Variants in SLTM observed in about 807,000 individuals in gnomAD.
The protein encoded by SLTM is SAFB like transcription modulator.
Under a neutral mutation model 134.6 loss-of-function variants are expected in SLTM, and 43 were observed. The observed-to-expected ratio is 0.32, with a 90% confidence interval of 0.25 to 0.41. The LOEUF is 0.41. Ranked by LOEUF, SLTM falls within the 10% of genes least tolerant of loss-of-function variation. The probability of loss-of-function intolerance (pLI) is 1.00; values close to 1 mark genes in which losing one functional copy is unlikely to be tolerated. For missense variants in SLTM, 1,055 were observed against 1,288.8 expected (o/e 0.82, Z 2.78); for synonymous variants, 424 against 432.3 (o/e 0.98, Z 0.24).
chr15:58,902,124 A>G (rs891988934), intron 5 of SLTM, among the ~76,000 whole-genome samples: 1 of 152,236 alleles, frequency 6.6e-6, no homozygotes, highest in Non-Finnish European at 1.5e-5. Flanking sequence ...CCAAGCAAAT[A>G]ATGCAAACAT....
intron 5 of SLTM, among the ~76,000 whole-genome samples, chr15:58,912,355 T>A (rs1484157685): frequency 6.6e-6 from 1 of 152,156 alleles, no homozygotes; most frequent in African/African-American, 2.4e-5. Context: ...CGCCTCGGCC[T>A]CCCAAAGTGC....
intron 2 of SLTM, among the ~76,000 whole-genome samples, chr15:58,925,894 C>A (rs1189589873): frequency 1.3e-5 from 2 of 152,108 alleles, no homozygotes; most frequent in Non-Finnish European, 2.9e-5. Flanking sequence ...ACTCTCAGCA[C>A]CGTTGTGAGA....
intron 19 of SLTM, among the ~76,000 whole-genome samples, chr15:58,885,700 C>T (rs2034122535): frequency 6.6e-6 from 1 of 152,098 alleles, no homozygotes; most frequent in African/African-American, 2.4e-5. Context: ...AGGAAAATCG[C>T]TTGAACCTGG....
At chr15:58,930,475 A>G (rs1330341037) in intron 2 of SLTM, among the ~76,000 whole-genome samples, 3 of 151,922 alleles carry the variant, frequency 2.0e-5, no homozygotes, top group Non-Finnish European at 4.4e-5. Flanking sequence ...ACCTCTTAAC[A>G]TCAGAGTTAT....
chr15:58,894,278 G>T, intron 10 of SLTM, 85 bp from the exon 11 acceptor site: 1 of 1,387,540 alleles, frequency 7.2e-7, no homozygotes. Flanking sequence ...CAGAAAATTT[G>T]GAAACGATAG....
At chr15:58,898,904 C>A in intron 7 of SLTM, 52 bp from the exon 8 acceptor site, 1 of 1,345,554 alleles carries the variant, frequency 7.4e-7, no homozygotes, top group Non-Finnish European at 1.1e-6. Flanking sequence ...AAAAACAAAC[C>A]CAAAACAGAA....
intron 19 of SLTM, 115 bp downstream of exon 19, chr15:58,886,860 C>T: frequency 7.9e-7 from 1 of 1,266,282 alleles, no homozygotes; most frequent in Non-Finnish European, 1.1e-6. Context: ...GCCTCTGAAT[C>T]ATTCCAATCT....
At chr15:58,904,201 G>C (rs1323127307) in intron 5 of SLTM, among the ~76,000 whole-genome samples, 1 of 152,048 alleles carries the variant, frequency 6.6e-6, no homozygotes, top group African/African-American at 2.4e-5. Flanking sequence ...GGCAAAGACA[G>C]GGTTTCACCA....
At chr15:58,886,369 T>G (rs1295663372) in intron 19 of SLTM, among the ~76,000 whole-genome samples, 1 of 151,576 alleles carries the variant, frequency 6.6e-6, no homozygotes, top group Non-Finnish European at 1.5e-5. Flanking sequence ...TGGGCTCAAG[T>G]GATTCTCCTG....
intron 8 of SLTM, chr15:58,897,993 CT>C (rs1473750498): frequency 6.6e-6 from 1 of 152,074 alleles, no homozygotes; most frequent in East Asian, 1.9e-4. Flanking sequence ...ATTCACTTGA[CT>C]TTATTTGGAA....
intron 2 of SLTM, among the ~76,000 whole-genome samples, chr15:58,917,361 A>T (rs886706251): frequency 1.3e-5 from 2 of 152,176 alleles, no homozygotes; most frequent in Non-Finnish European, 2.9e-5. Flanking sequence ...CCTGATAGCT[A>T]AGTACAAGAT....
At position 58,882,489 on chromosome 15, in the gene SLTM, G is replaced by A. The variant is rs746232104; in HGVS notation, c.2996+1137C>T. ...GCAGTCACAAAGGCAGAAAGAAAAT[G>A]ATGGTGCCCTAGAAAACAGACTCCC... On this transcript the variant is annotated intron_variant, in intron 20 of 20. Transcript: ENST00000380516. 1.4e-4 allele frequency among the ~76,000 whole-genome samples: 21 copies of A among 152,310 alleles called. No homozygotes were observed. In the Middle Eastern group the frequency reaches 0.01, roughly 74 times the overall value.
chr15:58,882,343 A>G (rs2033804453), intron 20 of SLTM, among the ~76,000 whole-genome samples: 1 of 152,104 alleles, frequency 6.6e-6, no homozygotes, highest in South Asian at 2.1e-4. Context: ...AAGGAGAGGA[A>G]TGAGTTTGAC....
At chr15:58,903,961 T>C (rs941076839) in intron 5 of SLTM, among the ~76,000 whole-genome samples, 18 of 152,206 alleles carry the variant, frequency 1.2e-4, no homozygotes, top group Admixed American at 5.9e-4. Context: ...ATTTGGATAA[T>C]AATTTCTTTT....
chr15:58,930,943 A>G (rs147723675), intron 2 of SLTM, among the ~76,000 whole-genome samples: 1 of 152,234 alleles, frequency 6.6e-6, no homozygotes, highest in East Asian at 1.9e-4. Context: ...TTTATTTTCA[A>G]TGCTAAAATA....
intron 2 of SLTM, among the ~76,000 whole-genome samples, chr15:58,923,217 G>A (rs991930602): frequency 1.3e-5 from 2 of 152,192 alleles, no homozygotes; most frequent in East Asian, 3.9e-4. Context: ...AAATTGGCCA[G>A]GCGTGGTGGT....
At chr15:58,907,354 G>T (rs2035933520) in intron 5 of SLTM, among the ~76,000 whole-genome samples, 1 of 152,178 alleles carries the variant, frequency 6.6e-6, no homozygotes, top group Non-Finnish European at 1.5e-5. Flanking sequence ...AGGCATGATG[G>T]CTCACACCTG....
intron 5 of SLTM, among the ~76,000 whole-genome samples, chr15:58,911,539 T>C (rs1181829541): frequency 6.6e-6 from 1 of 151,812 alleles, no homozygotes; most frequent in Non-Finnish European, 1.5e-5. Flanking sequence ...ATTTATCAGA[T>C]GAAAACCAAC....
chr15:58,932,096 T>C (rs2037919741), intron 2 of SLTM: 1 of 365,130 alleles, frequency 2.7e-6, no homozygotes, highest in Admixed American at 3.7e-5. Context: ...TGAAGCATCA[T>C]TACACAACTT....
Sources: gnomAD v4.1 joint callset for allele counts (sites outside exome capture counted in the v4.1 genomes callset) on GRCh38, gnomAD v4.1.1 for gene constraint, MANE v1.5 for transcripts, NCBI Gene and HGNC (gene_info 2026-07-23, HGNC 2026-07-21) for gene names.